Variants in METTL14 observed in about 807,000 individuals in gnomAD.
METTL14 encodes methyltransferase 14, N6-adenosine-methyltransferase non-catalytic subunit.
In METTL14, 32 loss-of-function variants were observed where a neutral mutation model predicts 62.4. The ratio of observed to expected loss-of-function variants is 0.51; its 90% confidence interval spans 0.39 to 0.69. The LOEUF (loss-of-function observed/expected upper bound fraction) is 0.69, where lower values mean the gene tolerates loss of function less well. Ranked by LOEUF, METTL14 falls within the 30% of genes least tolerant of loss-of-function variation. METTL14 has a pLI of 0.00. For synonymous variants in METTL14, 150 were observed against 180.0 expected, an observed-to-expected ratio of 0.83 and a Z score of 1.34; for missense variants, 340 against 551.9, an observed-to-expected ratio of 0.62 and a Z score of 3.85.
intron 8 of METTL14, among the ~76,000 whole-genome samples, chr4:118,702,767 CAAAAA>C (rs1724632144): frequency 6.6e-6 from 1 of 151,432 alleles, no homozygotes; most frequent in South Asian, 2.1e-4. Flanking sequence ...GACTCCATCT[CAAAAA>C]ATAAAATAAA....
At position 118,713,667 on chromosome 4, in the gene METTL14, T is replaced by C. The variant is rs1724985040; in HGVS notation, c.*3365T>C. 6.6e-6 allele frequency: 1 copy of C among 152,228 alleles called. No individual in the cohort carries two copies. The highest frequency in any genetic ancestry group is 1.5e-5 in the Non-Finnish European group (1 of 68,040). 9.4% of individuals were successfully genotyped at this position (152,228 alleles called of 1,614,324 possible). A position where few individuals can be genotyped will look rare whatever the true frequency, so the allele number is the denominator to read the frequency against. ...AACAATCCTGTAATCTTAGGGTTCA[T>C]GTGTGACTAGCATTATCCTCTCTTT... is the stretch of plus-strand genomic sequence containing the variant. On this transcript the variant is annotated 3_prime_UTR_variant, in exon 11 of 11. Transcript: ENST00000388822.
rs186599748 is a variant in METTL14, at chr4:118,706,872, T to G, written c.1066+1051T>G. Among the ~76,000 whole-genome samples the G allele has an allele frequency of 1.9e-3, 293 of 152,370 alleles. 1 individual carries two copies. The highest frequency in any genetic ancestry group is 6.8e-3 in the African/African-American group (282 of 41,584). On this transcript the variant is annotated intron_variant, in intron 10 of 10. Transcript: ENST00000388822. The stretch of plus-strand genomic sequence containing the variant: ...TTCATATGCTTATTTACTATCTGTA[T>G]GCCTTTTTTGGTGAGATGTCTTTTA...
intron 8 of METTL14, among the ~76,000 whole-genome samples, chr4:118,701,324 A>G (rs1161800053): frequency 6.6e-6 from 1 of 151,382 alleles, no homozygotes; most frequent in African/African-American, 2.4e-5. Flanking sequence ...AATAGCTGGG[A>G]CCACAGGCAC....
intron 1 of METTL14, chr4:118,686,675 C>T (rs1428764228): frequency 2.2e-6 from 1 of 455,770 alleles, no homozygotes; most frequent in Non-Finnish European, 4.4e-6. Flanking sequence ...TCGCCAACTT[C>T]TTTTATCGTA....
At chr4:118,709,944 T>G in intron 10 of METTL14, 54 bp from the exon 11 acceptor site, 1 of 1,507,300 alleles carries the variant, frequency 6.6e-7, no homozygotes. Flanking sequence ...TTCTAAAGAA[T>G]TAATAAGAGA....
At chr4:118,699,211 A>C (rs1218367443) in intron 7 of METTL14, among the ~76,000 whole-genome samples, 1 of 152,168 alleles carries the variant, frequency 6.6e-6, no homozygotes, top group Non-Finnish European at 1.5e-5. Flanking sequence ...ACTACTCTTA[A>C]TAATATCTAT....
chr4:118,707,723 C>T (rs1250437972), intron 10 of METTL14, among the ~76,000 whole-genome samples: 1 of 151,488 alleles, frequency 6.6e-6, no homozygotes, highest in East Asian at 1.9e-4. Context: ...CACACTTCTT[C>T]CTCAAGGACA....
chr4:118,705,902 A>G (rs1478404759), intron 10 of METTL14, 81 bp downstream of exon 10: 1 of 1,123,424 alleles, frequency 8.9e-7, no homozygotes, highest in Admixed American at 2.0e-5. Context: ...TGTGTAAAAT[A>G]AAGTTCTTAT....
In METTL14 at chr4:118,714,621, C is replaced by G. The variant is rs1437126131; in HGVS notation, c.*4319C>G. The G allele has an allele frequency of 6.6e-6, 1 of 152,226 alleles. No homozygotes were observed. The highest frequency in any genetic ancestry group is 2.4e-5 in the African/African-American group (1 of 41,452). The allele number at this position is 152,226 out of a possible 1,614,324, so 9.4% of individuals were successfully genotyped here. The stretch of plus-strand genomic sequence containing the variant: ...ATTTTTATTTTTTGAGACAGAGTCT[C>G]TGTTACCCAGGCTGGGGGGCAGTGA... On this transcript the variant is annotated 3_prime_UTR_variant, in exon 11 of 11. Coordinates refer to ENST00000388822, the MANE Select transcript of METTL14 (RefSeq NM_020961.4).
At chr4:118,695,037 G>C (rs188746853) in intron 6 of METTL14, among the ~76,000 whole-genome samples, 295 of 148,230 alleles carry the variant, frequency 2.0e-3, no homozygotes, top group Non-Finnish European at 3.5e-3. Flanking sequence ...TCACCATGTT[G>C]CTCAGGCTGG....
In METTL14 at chr4:118,686,545, A is replaced by T. The variant is rs188697438; in HGVS notation, c.66+945A>T. The T allele has an allele frequency of 8.8e-6, 4 of 454,142 alleles. No homozygotes were observed. In the Admixed American group the frequency reaches 9.5e-5, roughly 11 times the overall value. The allele number at this position is 454,142 out of a possible 1,614,324, so 28.1% of individuals were successfully genotyped here. ...AACCTATCCTCTTTATGGTCTGATG[A>T]ACAGATTTGTGGAATATGGCTAAAA... On this transcript the variant is annotated intron_variant, in intron 1 of 10. Transcript: ENST00000388822.
chr4:118,705,960 G>T, intron 10 of METTL14, 139 bp downstream of exon 10: 1 of 710,020 alleles, frequency 1.4e-6, no homozygotes, highest in East Asian at 2.7e-5. Context: ...ACAGTTTCAG[G>T]TCCACAGCAA....
In METTL14 at chr4:118,705,835, TAAC is replaced by T. The variant is rs1377247024; in HGVS notation, c.1066+21_1066+23del. The stretch of plus-strand genomic sequence containing the variant: ...CAATTCGACCAGGTAGGACCTCAGT[TAAC>T]AACAACTTTTATGATTCTTTGGGTT... On this transcript the variant is annotated intron_variant, in intron 10 of 10. Transcript: ENST00000388822. The T allele has an allele frequency of 5.7e-6, 9 of 1,585,798 alleles. No homozygotes were observed. The highest frequency in any genetic ancestry group is 7.8e-6 in the Non-Finnish European group (9 of 1,156,238).
At position 118,710,704 on chromosome 4, in the gene METTL14, C is replaced by G. The variant is rs762177382; in HGVS notation, c.*402C>G. The G allele has an allele frequency of 6.5e-6, 1 of 154,700 alleles. No individual in the cohort carries two copies. The highest frequency in any genetic ancestry group is 2.4e-5 in the African/African-American group (1 of 41,434). The allele number at this position is 154,700 out of a possible 1,614,324, so 9.6% of individuals were successfully genotyped here. A position where few individuals can be genotyped will look rare whatever the true frequency, so the allele number is the denominator to read the frequency against. ...GAATAGAGTTGGAAAAGATGGTAAGCTTTTGTCAGGGTTTTAACATTTTCT... is the reference window on the plus strand; with the variant it reads ...GAATAGAGTTGGAAAAGATGGTAAGGTTTTGTCAGGGTTTTAACATTTTCT... On this transcript the variant is annotated 3_prime_UTR_variant, in exon 11 of 11. Coordinates refer to ENST00000388822, the MANE Select transcript of METTL14 (RefSeq NM_020961.4).
rs1460076380 is a variant in METTL14 at position 118,713,584 on chromosome 4, C to T, written c.*3282C>T. ...AGTAGTCTTTGATCTGAAAGTGTCT[C>T]ATATTTTGTGATCTATTAGAAACAT... On this transcript the variant is annotated 3_prime_UTR_variant, in exon 11 of 11. Coordinates refer to ENST00000388822, the MANE Select transcript of METTL14 (RefSeq NM_020961.4). The T allele has an allele frequency of 1.3e-5, 2 of 152,146 alleles. No individual in the cohort carries two copies. The highest frequency in any genetic ancestry group is 4.8e-5 in the African/African-American group (2 of 41,420). 9.4% of individuals were successfully genotyped at this position (152,146 alleles called of 1,614,324 possible). A position where few individuals can be genotyped will look rare whatever the true frequency, so the allele number is the denominator to read the frequency against.
At chr4:118,703,545 A>G (rs1002013338) in intron 8 of METTL14, among the ~76,000 whole-genome samples, 7 of 152,248 alleles carry the variant, frequency 4.6e-5, no homozygotes, top group Non-Finnish European at 8.8e-5. Context: ...GCTTTGTCAG[A>G]GAATAGAATA....
intron 1 of METTL14, chr4:118,686,537 G>T: frequency 2.2e-6 from 1 of 450,486 alleles, no homozygotes; most frequent in Non-Finnish European, 4.5e-6. Context: ...CCTCTTTATG[G>T]TCTGATGAAC....
intron 4 of METTL14, 31 bp from the exon 5 acceptor site, chr4:118,691,950 G>T (rs1269730271): frequency 7.0e-7 from 1 of 1,427,952 alleles, no homozygotes; most frequent in Non-Finnish European, 9.8e-7. Flanking sequence ...TACAATGCAT[G>T]TTACAAATTT....
chr4:118,700,451 A>G, intron 7 of METTL14, 99 bp from the exon 8 acceptor site: 1 of 882,192 alleles, frequency 1.1e-6, no homozygotes, highest in Non-Finnish European at 1.8e-6. Flanking sequence ...ACACTTAAAG[A>G]ACACATCTAT....
Sources: allele counts gnomAD v4.1 joint callset (sites outside exome capture counted in the v4.1 genomes callset), GRCh38; gene constraint gnomAD v4.1.1; transcripts MANE v1.5; gene names NCBI Gene and HGNC (gene_info 2026-07-23, HGNC 2026-07-21).